TJP1: variants seen among roughly 807,000 people sequenced by gnomAD.
TJP1 encodes tight junction protein ZO-1.
In TJP1, 43 loss-of-function variants were observed where a neutral mutation model predicts 194.2. The ratio of observed to expected loss-of-function variants is 0.22; its 90% CI spans 0.17 to 0.29. The LOEUF (loss-of-function observed/expected upper bound fraction) is 0.29, where lower values mean the gene tolerates loss of function less well. TJP1 is among the 10% of genes least tolerant of loss of function. The probability of loss-of-function intolerance (pLI) is 1.00; values close to 1 mark genes in which losing one functional copy is unlikely to be tolerated. For missense variants in TJP1, 1,971 were observed against 2,185.7 expected, an observed-to-expected ratio of 0.90 and a Z score of 1.96; for synonymous variants, 801 against 779.0, an observed-to-expected ratio of 1.03 and a Z score of -0.47.
chr15:29,803,602 G>T (rs1384383432), intron 1 of TJP1, among the ~76,000 whole-genome samples: 1 of 151,962 alleles, frequency 6.6e-6, no homozygotes, highest in South Asian at 2.1e-4. Context: ...TTTTCCACTT[G>T]GCTTTTAGGA....
chr15:29,900,504 A>G (rs2053603132), intron 2 of TJP1, among the ~76,000 whole-genome samples: 1 of 152,172 alleles, frequency 6.6e-6, no homozygotes, highest in African/African-American at 2.4e-5. Flanking sequence ...GAGGGTGGTA[A>G]GCAGTCACAT....
At chr15:29,949,050 C>T (rs1378413932) in intron 2 of TJP1, among the ~76,000 whole-genome samples, 2 of 150,576 alleles carry the variant, frequency 1.3e-5, no homozygotes, top group Non-Finnish European at 3.0e-5. Context: ...ATCACCTCCG[C>T]CACCTCCACC....
At chr15:29,804,040 A>C (rs569710506) in intron 1 of TJP1, among the ~76,000 whole-genome samples, 20 of 151,992 alleles carry the variant, frequency 1.3e-4, no homozygotes, top group East Asian at 9.6e-4. Context: ...AAAAAAAAAA[A>C]ACAAAAAACA....
Position 29,737,422 on chromosome 15 carries a change from A to C in TJP1, c.1257-8T>G, listed in dbSNP as rs773303184. 6.8e-6 allele frequency: 11 copies of C among 1,614,022 alleles called. No individual in the cohort carries two copies. Among genetic ancestry groups the C allele is most frequent in the African/African-American group, 1.3e-5 (1 of 74,938 alleles). ...ACCAATTTCATGCTGGGCCTGTTAA[A>C]ACAGATATTTCATTTGAAACAGTTA... On this transcript the variant is annotated splice_region_variant and splice_polypyrimidine_tract_variant and intron_variant, in intron 10 of 27. Transcript: ENST00000614355.
intron 2 of TJP1, among the ~76,000 whole-genome samples, chr15:29,865,259 G>T (rs774664658): frequency 5.3e-5 from 8 of 152,144 alleles, no homozygotes; most frequent in African/African-American, 1.9e-4. Context: ...CAAATGCCAC[G>T]AAGATATTAA....
chr15:29,795,279 C>T (rs2048332646), intron 2 of TJP1, among the ~76,000 whole-genome samples: 1 of 151,822 alleles, frequency 6.6e-6, no homozygotes, highest in Admixed American at 6.6e-5. Flanking sequence ...CAAAAACTAG[C>T]CAGGCTGGTG....
At chr15:29,732,374 T>G in intron 15 of TJP1, 59 bp downstream of exon 15, 1 of 1,380,828 alleles carries the variant, frequency 7.2e-7, no homozygotes, top group East Asian at 2.3e-5. Flanking sequence ...GAATCAGAAC[T>G]CACTCACTTT....
chr15:29,777,432 A>T (rs72719069), intron 2 of TJP1, among the ~76,000 whole-genome samples: 12,411 of 152,202 alleles, frequency 0.082, 551 homozygotes, highest in African/African-American at 0.092. Flanking sequence ...GAGTCCACAG[A>T]CCATACTTTG....
chr15:29,951,510 C>A (rs1041089396), intron 2 of TJP1, among the ~76,000 whole-genome samples: 3 of 151,174 alleles, frequency 2.0e-5, no homozygotes, highest in East Asian at 3.9e-4. Flanking sequence ...CTTTTCAAAT[C>A]GAAAAAAAAT....
At chr15:29,730,395 AC>A (rs2043546941) in intron 15 of TJP1, among the ~76,000 whole-genome samples, 1 of 152,018 alleles carries the variant, frequency 6.6e-6, no homozygotes, top group African/African-American at 2.4e-5. Context: ...AGCCTGGACA[AC>A]CTAGTGAGAC....
intron 2 of TJP1, among the ~76,000 whole-genome samples, chr15:29,777,715 C>A (rs2047104840): frequency 6.2e-5 from 1 of 16,100 alleles, no homozygotes; most frequent in South Asian, 0.012. Flanking sequence ...TACAAATGTA[C>A]TATTCTTTTG....
intron 2 of TJP1, among the ~76,000 whole-genome samples, chr15:29,828,869 G>C (rs1343499141): frequency 6.6e-6 from 1 of 152,128 alleles, no homozygotes; most frequent in African/African-American, 2.4e-5. Flanking sequence ...CAGTAGCTGG[G>C]ATTACAGAAG....
intron 2 of TJP1, among the ~76,000 whole-genome samples, chr15:29,789,757 T>C (rs766740568): frequency 6.6e-6 from 1 of 152,156 alleles, no homozygotes; most frequent in Non-Finnish European, 1.5e-5. Context: ...ATACAGAGTA[T>C]CTATACTCCA....
In TJP1 at chr15:29,822,434, G is replaced by C; in HGVS notation, c.-406C>G. ...GCGGCCGCCAAGGAACGCGGCGTCC[G>C]CTGGCTCAGCCGGCGCCGGCAACTC... On this transcript the variant is annotated 5_prime_UTR_variant, in exon 1 of 28. Coordinates refer to ENST00000614355, the MANE Select transcript of TJP1 (RefSeq NM_001330239.4). 1 of 988,526 alleles carries C rather than the reference G, an allele frequency of 1.0e-6. No homozygotes were observed. The highest frequency in any genetic ancestry group is 5.2e-4 in the Middle Eastern group (1 of 1,940). 61.2% of individuals were successfully genotyped at this position (988,526 alleles called of 1,614,324 possible).
At chr15:29,877,273 G>A (rs917602111) in intron 2 of TJP1, among the ~76,000 whole-genome samples, 2 of 152,244 alleles carry the variant, frequency 1.3e-5, no homozygotes, top group Non-Finnish European at 2.9e-5. Flanking sequence ...TTGGAGTGCA[G>A]TGGCGTGATC....
chr15:29,818,321 T>G (rs1425596387), intron 1 of TJP1, among the ~76,000 whole-genome samples: 1 of 152,216 alleles, frequency 6.6e-6, no homozygotes, highest in Non-Finnish European at 1.5e-5. Flanking sequence ...ATTCAACCAA[T>G]GAAATCGTTT....
rs760299748 is a variant in TJP1 at position 29,761,225 on chromosome 15, G to C, written c.924C>G (p.Pro308=). The change falls in exon 8 of 28, where the codon CCC becomes CCG. Residue 308 remains proline (P), a synonymous_variant. Coordinates refer to ENST00000614355, the MANE Select transcript of TJP1 (RefSeq NM_001330239.4). ...DHSGRSHDRP[P]RRSRSRSPDQ... Reference sequence around the variant, plus strand: ...CAGGAGATCGTGACCGGCTGCGGCGGGGAGGCCTATCGTGTGATCGACCAG... The same window carrying C: ...CAGGAGATCGTGACCGGCTGCGGCGCGGAGGCCTATCGTGTGATCGACCAG... 1 of 1,614,084 alleles carries C rather than the reference G, an allele frequency of 6.2e-7. No individual in the cohort carries two copies. The highest frequency in any genetic ancestry group is 1.1e-5 in the South Asian group (1 of 91,086).
intron 23 of TJP1, among the ~76,000 whole-genome samples, chr15:29,714,616 C>G (rs1380671019): frequency 7.4e-6 from 1 of 135,980 alleles, no homozygotes; most frequent in African/African-American, 2.8e-5. Context: ...TCTCGGCTCA[C>G]TGCAAGCTCT....
At chr15:29,709,468 C>G (rs1246820531) in intron 24 of TJP1, among the ~76,000 whole-genome samples, 1 of 152,184 alleles carries the variant, frequency 6.6e-6, no homozygotes, top group Non-Finnish European at 1.5e-5. Flanking sequence ...AGTGGAACCA[C>G]AGGATTTTTT....
Sources: gnomAD v4.1 joint callset for allele counts (sites outside exome capture counted in the v4.1 genomes callset) on GRCh38, gnomAD v4.1.1 for gene constraint, MANE v1.5 for transcripts, NCBI Gene and HGNC (gene_info 2026-07-23, HGNC 2026-07-21) for gene names.